The following MTHFD1 variants were observed in gnomAD, a reference collection of about 807,000 sequenced individuals.
MTHFD1 encodes C-1-tetrahydrofolate synthase, cytoplasmic.
A neutral mutation model predicts 110.3 loss-of-function variants in MTHFD1; 44 were observed. The ratio of observed to expected loss-of-function variants is 0.40; its 90% CI spans 0.31 to 0.51. The LOEUF is 0.51. Ranked by LOEUF, MTHFD1 falls within the 20% of genes least tolerant of loss-of-function variation. The pLI is 0.60. For missense variants in MTHFD1, 909 were observed against 1,173.1 expected, an observed-to-expected ratio of 0.77 and a Z score of 3.29; for synonymous variants, 402 against 428.8, an observed-to-expected ratio of 0.94 and a Z score of 0.77.
chr14:64,414,286 C>CTTTTTTTTTTTTTTTTT (rs3062425), intron 4 of MTHFD1, among the ~76,000 whole-genome samples: 9 of 86,450 alleles, frequency 1.0e-4, no homozygotes, highest in African/African-American at 3.4e-4. Context: ...CCTGTCCCCG[C>CTTTTTTTTTTTTTTTTT]TTTTTTTTTT....
chr14:64,444,612 C>G, intron 21 of MTHFD1, 81 bp from the exon 22 acceptor site: 4 of 1,504,128 alleles, frequency 2.7e-6, no homozygotes, highest in Non-Finnish European at 3.7e-6. Flanking sequence ...CAGCGTCTTG[C>G]CTTTAACACA....
At chr14:64,426,853 A>C (rs1156726307) in intron 11 of MTHFD1, among the ~76,000 whole-genome samples, 1 of 152,192 alleles carries the variant, frequency 6.6e-6, no homozygotes, top group Non-Finnish European at 1.5e-5. Context: ...GGTTATATTA[A>C]AAAGCTAGTT....
At chr14:64,446,740 C>T (rs1029987343) in intron 22 of MTHFD1, among the ~76,000 whole-genome samples, 1 of 152,164 alleles carries the variant, frequency 6.6e-6, no homozygotes, top group Non-Finnish European at 1.5e-5. Context: ...GACGGGGTTT[C>T]ACCGTGTTAG....
At chr14:64,445,869 CTAGAGG>C (rs1167739919) in intron 22 of MTHFD1, among the ~76,000 whole-genome samples, 2 of 152,110 alleles carry the variant, frequency 1.3e-5, no homozygotes, top group Non-Finnish European at 2.9e-5. Flanking sequence ...TTTCATGTGA[CTAGAGG>C]TAAAGAATTA....
intron 16 of MTHFD1, among the ~76,000 whole-genome samples, chr14:64,436,001 T>C (rs2078203309): frequency 6.6e-6 from 1 of 152,222 alleles, no homozygotes; most frequent in African/African-American, 2.4e-5. Context: ...AGAGAAATTA[T>C]GTTTAATCAC....
At chr14:64,441,760 G>A (rs943335826) in intron 19 of MTHFD1, 31 of 544,576 alleles carry the variant, frequency 5.7e-5, no homozygotes, top group Middle Eastern at 5.0e-4. Context: ...CCGAGATCAC[G>A]CCACTGCACT....
intron 1 of MTHFD1, among the ~76,000 whole-genome samples, chr14:64,391,155 T>TTTTC (rs776976479): frequency 3.3e-5 from 5 of 152,070 alleles, no homozygotes; most frequent in Non-Finnish European, 5.9e-5. Context: ...TTTCTTTTTC[T>TTTTC]TTTCTTTCTT....
intron 1 of MTHFD1, 178 bp downstream of exon 1, chr14:64,388,646 G>T: frequency 1.4e-6 from 1 of 696,876 alleles, no homozygotes. Flanking sequence ...GTTTGCAAGT[G>T]GACTGCCTAG....
At chr14:64,443,221 C>T (rs931152939) in intron 21 of MTHFD1, among the ~76,000 whole-genome samples, 6 of 152,178 alleles carry the variant, frequency 3.9e-5, no homozygotes, top group African/African-American at 1.4e-4. Flanking sequence ...ACACTCTTGA[C>T]AGTTATTGAG....
chr14:64,421,558 A>G (rs1039787696), intron 8 of MTHFD1, among the ~76,000 whole-genome samples: 1 of 150,392 alleles, frequency 6.6e-6, no homozygotes, highest in Non-Finnish European at 1.5e-5. Flanking sequence ...CTCTCCTACA[A>G]CTCCTCACTT....
Position 64,417,993 on chromosome 14 carries a change from G to T in MTHFD1, c.584G>T (p.Cys195Phe). 1 of 1,614,096 alleles carries T rather than the reference G, an allele frequency of 6.2e-7. No individual in the cohort carries two copies. The stretch of plus-strand genomic sequence containing the variant: ...TGGAACAATGCCACAGTGACCACCT[G>T]CCACTCCAAGACTGCCCATCTGGAT... ...LLWNNATVTT[C>F]HSKTAHLDEE... The change falls in exon 7 of 28, where the codon TGC becomes TTC. Residue 195 changes from cysteine (C) to phenylalanine (F), a missense_variant. By Grantham distance (205) the Cys-to-Phe change is radical (BLOSUM62 -2). Transcript: ENST00000652337. This position sits in a 1 kb window ranked among gnomAD's most constrained non-coding sequence, Gnocchi z 4.4.
At chr14:64,438,902 A>G (rs2078226748) in intron 16 of MTHFD1, among the ~76,000 whole-genome samples, 194 bp from the exon 17 acceptor site, 1 of 152,234 alleles carries the variant, frequency 6.6e-6, no homozygotes. Context: ...CTTTGCTGTA[A>G]AAATAACTCC....
intron 1 of MTHFD1, among the ~76,000 whole-genome samples, chr14:64,398,738 T>C (rs1274232796): frequency 2.0e-5 from 3 of 152,180 alleles, no homozygotes; most frequent in Non-Finnish European, 2.9e-5. Flanking sequence ...CAAATCAGAA[T>C]GAAGGAAGAG....
Position 64,424,800 on chromosome 14 carries a change from C to T in MTHFD1, c.728-4C>T. The T allele has an allele frequency of 1.2e-6, 2 of 1,613,822 alleles. No individual in the cohort carries two copies. Among genetic ancestry groups the T allele is most frequent in the Non-Finnish European group, 1.7e-6 (2 of 1,179,970 alleles). On this transcript the variant is annotated splice_region_variant and splice_polypyrimidine_tract_variant and intron_variant, in intron 8 of 27. Transcript: ENST00000652337. Reference sequence around the variant, plus strand: ...TAGTTTTGATTTCTCCCCCACTTGACCAGATGATAAAAAACCAAATGGGAG... The same window carrying T: ...TAGTTTTGATTTCTCCCCCACTTGATCAGATGATAAAAAACCAAATGGGAG...
At chr14:64,404,855 C>T (rs967425302) in intron 2 of MTHFD1, among the ~76,000 whole-genome samples, 5 of 152,074 alleles carry the variant, frequency 3.3e-5, no homozygotes, top group African/African-American at 1.2e-4. Flanking sequence ...CCTGTGATCA[C>T]AGCTACTCAG....
chr14:64,441,695 G>A (rs1013911498), intron 19 of MTHFD1: 270 of 555,208 alleles, frequency 4.9e-4, no homozygotes, highest in Non-Finnish European at 7.1e-4. Flanking sequence ...AGTCCCAGCT[G>A]CTCGGAAGGT....
chr14:64,430,085 T>A (rs2140967170), intron 12 of MTHFD1, 99 bp from the exon 13 acceptor site: 1 of 992,868 alleles, frequency 1.0e-6, no homozygotes, highest in Middle Eastern at 2.9e-4. Flanking sequence ...AATAAATAAA[T>A]GTGCTTAGTA....
chr14:64,456,293 C>A (rs957361465), intron 26 of MTHFD1, among the ~76,000 whole-genome samples: 2 of 152,198 alleles, frequency 1.3e-5, no homozygotes, highest in African/African-American at 4.8e-5. Flanking sequence ...CACACATGAT[C>A]AAATGGTTTA....
chr14:64,455,199 C>A, intron 26 of MTHFD1: 2 of 368,902 alleles, frequency 5.4e-6, no homozygotes, highest in Non-Finnish European at 1.0e-5. Flanking sequence ...AACATAATCA[C>A]AGTTAATGTT....
Sources: allele counts gnomAD v4.1 joint callset (sites outside exome capture counted in the v4.1 genomes callset), GRCh38; gene constraint gnomAD v4.1.1; non-coding constraint Gnocchi (gnomAD v3.1); transcripts MANE v1.5; gene names NCBI Gene and HGNC (gene_info 2026-07-23, HGNC 2026-07-21).